The following ZNF653 variants were observed in gnomAD, a reference collection of about 807,000 sequenced individuals.
ZNF653 encodes the protein zinc finger protein 653, also known as 67 kDa zinc finger protein.
A neutral mutation model predicts 59.9 loss-of-function variants in ZNF653; 37 were observed. The ratio of observed to expected loss-of-function variants is 0.62; its 90% CI spans 0.48 to 0.81. The LOEUF (loss-of-function observed/expected upper bound fraction) is 0.81, where lower values mean the gene tolerates loss of function less well. ZNF653 is among the 40% of genes least tolerant of loss of function. ZNF653 has a pLI of 0.00. For synonymous variants in ZNF653, 435 were observed against 371.8 expected (o/e 1.17, Z -1.96); for missense variants, 808 against 881.1 (o/e 0.92, Z 1.05).
At chr19:11,501,012 G>A (rs1173971275) in intron 1 of ZNF653, among the ~76,000 whole-genome samples, 1 of 152,070 alleles carries the variant, frequency 6.6e-6, no homozygotes, top group Non-Finnish European at 1.5e-5. Context: ...CTGGCATCAA[G>A]GACCACAGCT....
intron 3 of ZNF653, among the ~76,000 whole-genome samples, chr19:11,494,654 C>T (rs1971566073): frequency 6.6e-6 from 1 of 152,292 alleles, no homozygotes; most frequent in South Asian, 2.1e-4. Flanking sequence ...CGCCATTGCA[C>T]TCCAGCCTGG....
At chr19:11,484,004 C>T (rs1971437553) in intron 8 of ZNF653, 38 bp downstream of exon 8, 1 of 1,544,990 alleles carries the variant, frequency 6.5e-7, no homozygotes, top group Non-Finnish European at 8.7e-7. Context: ...TCCCCTCCCA[C>T]CCAATCCTCT....
rs372131155 is a variant in ZNF653, at chr19:11,495,925, A to G, written c.559+25T>C. On this transcript the variant is annotated intron_variant, in intron 3 of 8. Transcript: ENST00000293771. The surrounding 1 kb of genome is among the most constrained non-coding windows in gnomAD (Gnocchi z 4.9). ...AGCCCCCAGAAATGGGCGGCCCCCT[A>G]TGTGCCCTCGCCCTGCAGACCTACC... 18 of 1,606,644 alleles carry G rather than the reference A, an allele frequency of 1.1e-5. No homozygotes were observed. The African/African-American group carries it at 1.9e-4, about 17-fold the overall frequency.
chr19:11,485,587 C>T, intron 7 of ZNF653, 69 bp downstream of exon 7: 1 of 1,340,110 alleles, frequency 7.5e-7, no homozygotes, highest in Non-Finnish European at 1.1e-6. Context: ...CCCGCCAGCT[C>T]TGGCCCAGGC....
intron 1 of ZNF653, among the ~76,000 whole-genome samples, chr19:11,503,172 G>A (rs996578397): frequency 2.0e-5 from 3 of 152,130 alleles, no homozygotes; most frequent in Non-Finnish European, 4.4e-5. Context: ...CATGGCTCTG[G>A]ATGACCTTCC....
chr19:11,498,460 T>C (rs894487645), intron 1 of ZNF653, 121 bp from the exon 2 acceptor site: 75 of 1,359,698 alleles, frequency 5.5e-5, no homozygotes, highest in Non-Finnish European at 7.6e-5. Context: ...TCTGAACTTT[T>C]TGAGATGGAG....
In ZNF653 at chr19:11,495,919, C is replaced by T. The variant is rs1971581973; in HGVS notation, c.559+31G>A. On this transcript the variant is annotated intron_variant, in intron 3 of 8. Transcript: ENST00000293771. The surrounding 1 kb of genome is among the most constrained non-coding windows in gnomAD (Gnocchi z 4.9). Reference sequence around the variant, plus strand: ...GTAAGAAGCCCCCAGAAATGGGCGGCCCCCTATGTGCCCTCGCCCTGCAGA... The same window carrying T: ...GTAAGAAGCCCCCAGAAATGGGCGGTCCCCTATGTGCCCTCGCCCTGCAGA... 4 of 1,598,356 alleles carry T rather than the reference C, an allele frequency of 2.5e-6. No homozygotes were observed. The highest frequency in any genetic ancestry group is 1.3e-5 in the African/African-American group (1 of 74,662).
At position 11,487,517 on chromosome 19, in the gene ZNF653, C is replaced by A. The variant is rs768514644; in HGVS notation, c.946G>T (p.Gly316Cys). The change falls in exon 4 of 9, where the codon GGC (glycine) becomes TGC (cysteine). Residue 316 changes from glycine (G) to cysteine (C), a missense_variant. By Grantham distance (159) the Gly-to-Cys change is radical. Transcript: ENST00000293771. The surrounding 1 kb of genome is among the most constrained non-coding windows in gnomAD (Gnocchi z 5.1). ...CCCGCAATGATGATCACCTGTGAGCCGGGCACCATGCCTGGCATGGGGCAG... is the reference window on the plus strand; with the variant it reads ...CCCGCAATGATGATCACCTGTGAGCAGGGCACCATGCCTGGCATGGGGCAG... ...ASCPMPGMVP[G>C]SQVIIIAGPG... The A allele has an allele frequency of 6.8e-6, 11 of 1,613,894 alleles. No homozygotes were observed. The South Asian group carries it at 1.2e-4, about 18-fold the overall frequency.
At chr19:11,485,625 G>A (rs771640419) in intron 7 of ZNF653, 31 bp downstream of exon 7, 35 of 1,574,076 alleles carry the variant, frequency 2.2e-5, no homozygotes, top group Middle Eastern at 1.7e-4. Flanking sequence ...TGTGTCCCCC[G>A]CTCATGCTGC....
chr19:11,483,553 T>C lies in ZNF653; in HGVS notation c.*129A>G, dbSNP rs1336610131. The stretch of plus-strand genomic sequence containing the variant: ...GGAACCTGCCCAGGGGGCCCAGCTC[T>C]GGGGCGGGGCGGGGGCGCCTCCTTC... On this transcript the variant is annotated 3_prime_UTR_variant, in exon 9 of 9. Transcript: ENST00000293771. The C allele has an allele frequency of 7.0e-7, 1 of 1,423,742 alleles. No individual in the cohort carries two copies. Among genetic ancestry groups the C allele is most frequent in the Non-Finnish European group, 9.2e-7 (1 of 1,086,706 alleles). The allele number at this position is 1,423,742 out of a possible 1,614,324, so 88.2% of individuals were successfully genotyped here.
chr19:11,496,471 C>T (rs552701059), intron 2 of ZNF653, among the ~76,000 whole-genome samples: 24 of 152,272 alleles, frequency 1.6e-4, no homozygotes, highest in African/African-American at 5.8e-4. Context: ...TAGACCAGCG[C>T]AGTCCTCAGG....
rs765015796 is a variant in ZNF653, at chr19:11,495,990, G to A, written c.519C>T (p.Pro173=). Reference sequence around the variant, plus strand: ...GGTCTGAGTCGCTGAGGGGCTTCAGGGGCGAATGCAGGTCCTGGAAGTAGC... The same window carrying A: ...GGTCTGAGTCGCTGAGGGGCTTCAGAGGCGAATGCAGGTCCTGGAAGTAGC... ...GHRYFQDLHS[P]LKPLSDSDPD... Residue 173 remains proline (P), a synonymous_variant, in exon 3 of 9, where the codon CCC becomes CCT. Coordinates refer to ENST00000293771, the MANE Select transcript of ZNF653 (RefSeq NM_138783.4). The surrounding 1 kb of genome is among the most constrained non-coding windows in gnomAD (Gnocchi z 4.9). 1 of 1,614,174 alleles carries A rather than the reference G, an allele frequency of 6.2e-7. No individual in the cohort carries two copies. Among genetic ancestry groups the A allele is most frequent in the South Asian group, 1.1e-5 (1 of 91,078 alleles).
Position 11,487,816 on chromosome 19 carries a change from A to G in ZNF653, c.647T>C (p.Val216Ala). ...DSEESPEGQP[V>A]KAAAAAAAAT... ...TGCCGCTGCCGCTGCCGCAGCCTTG[A>G]CCGGCTGGCCCTCAGGAGACTCCTC... Residue 216 changes from valine to alanine, a missense_variant, in exon 4 of 9, where the codon GTC (valine) becomes GCC (alanine). Val to Ala is a moderately conservative substitution (Grantham distance 64, BLOSUM62 0). Coordinates refer to ENST00000293771, the MANE Select transcript of ZNF653 (RefSeq NM_138783.4). This position sits in a 1 kb window ranked among gnomAD's most constrained non-coding sequence, Gnocchi z 5.1. 2.5e-6 allele frequency: 4 copies of G among 1,611,774 alleles called. No homozygotes were observed. The highest frequency in any genetic ancestry group is 3.4e-6 in the Non-Finnish European group (4 of 1,179,308).
At chr19:11,497,101 C>T (rs115813344) in intron 2 of ZNF653, among the ~76,000 whole-genome samples, 5,309 of 152,300 alleles carry the variant, frequency 0.035, 295 homozygotes, top group African/African-American at 0.12. Flanking sequence ...CCAAATGCAT[C>T]CCCTCCAAGA....
intron 1 of ZNF653, chr19:11,500,589 C>T (rs1381218768): frequency 6.6e-6 from 1 of 152,356 alleles, no homozygotes; most frequent in Non-Finnish European, 1.5e-5. Flanking sequence ...CTGCCTCAGC[C>T]TCCCAAAGTG....
rs1342812296 is a variant in ZNF653, at chr19:11,484,039, C to T, written c.1670+3G>A. The stretch of plus-strand genomic sequence containing the variant: ...TAGCGGCACGGGGCGGCCTGTCACT[C>T]ACTGCAGGGGGGTCTCGCCGGTGTG... On this transcript the variant is annotated splice_donor_region_variant and intron_variant, in intron 8 of 8. Transcript: ENST00000293771. 1 of 1,554,774 alleles carries T rather than the reference C, an allele frequency of 6.4e-7. No homozygotes were observed. The highest frequency in any genetic ancestry group is 1.9e-5 in the Admixed American group (1 of 51,472).
rs759969347 is a variant in ZNF653 at position 11,487,923 on chromosome 19, G to C, written c.560-20C>G. On this transcript the variant is annotated intron_variant, in intron 3 of 8. Transcript: ENST00000293771. The surrounding 1 kb of genome is among the most constrained non-coding windows in gnomAD (Gnocchi z 5.1). The stretch of plus-strand genomic sequence containing the variant: ...TGCCCACTGTGGGGACAGAAGAAAG[G>C]GAGTGGTTATGATAGCTGCAGCCAC... 25 of 1,547,772 alleles carry C rather than the reference G, an allele frequency of 1.6e-5. No individual in the cohort carries two copies. The African/African-American group carries it at 3.3e-4, about 21-fold the overall frequency.
chr19:11,500,556 A>C (rs1971633623), intron 1 of ZNF653: 1 of 151,986 alleles, frequency 6.6e-6, no homozygotes, highest in Non-Finnish European at 1.5e-5. Context: ...CTGGTCTCGA[A>C]CTCCTGACCT....
At chr19:11,489,532 T>C (rs1971509004) in intron 3 of ZNF653, among the ~76,000 whole-genome samples, 1 of 152,106 alleles carries the variant, frequency 6.6e-6, no homozygotes, top group East Asian at 1.9e-4. Context: ...GGTCTTGTTA[T>C]GCTACCCAGG....
Sources: allele counts gnomAD v4.1 joint callset (sites outside exome capture counted in the v4.1 genomes callset), GRCh38; gene constraint gnomAD v4.1.1; non-coding constraint Gnocchi (gnomAD v3.1); transcripts MANE v1.5; gene names NCBI Gene and HGNC (gene_info 2026-07-23, HGNC 2026-07-21).